Variants in CACNA2D1 observed in about 807,000 individuals in gnomAD.
CACNA2D1 encodes the protein calcium voltage-gated channel auxiliary subunit alpha2delta 1.
A neutral mutation model predicts 171.5 loss-of-function variants in CACNA2D1; 53 were observed. The observed-to-expected ratio is 0.31, with a 90% CI of 0.25 to 0.39. CACNA2D1 has a LOEUF of 0.39. Among genes scored for constraint, CACNA2D1 ranks in the 10% least tolerant of loss-of-function variants. The pLI, the probability that CACNA2D1 is intolerant of heterozygous loss-of-function variation, is 1.00. For missense variants in CACNA2D1, 903 were observed against 1,299.8 expected, an observed-to-expected ratio of 0.69 and a Z score of 4.69; for synonymous variants, 442 against 443.1, an observed-to-expected ratio of 1.00 and a Z score of 0.03.
intron 4 of CACNA2D1, among the ~76,000 whole-genome samples, chr7:82,152,722 C>T (rs1793986758): frequency 6.6e-6 from 1 of 151,914 alleles, no homozygotes; most frequent in African/African-American, 2.4e-5. Flanking sequence ...ATCAAAATTG[C>T]AAACAGCCCC....
At chr7:82,158,466 A>T (rs1242952430) in intron 4 of CACNA2D1, among the ~76,000 whole-genome samples, 1 of 52,306 alleles carries the variant, frequency 1.9e-5, no homozygotes, top group East Asian at 8.1e-4. Context: ...GGGGAAATGG[A>T]AACCAAGTTA....
chr7:82,183,164 A>C (rs1797327322), intron 3 of CACNA2D1, among the ~76,000 whole-genome samples: 1 of 152,036 alleles, frequency 6.6e-6, no homozygotes, highest in African/African-American at 2.4e-5. Flanking sequence ...TTTCTCATAT[A>C]TTTTTCAACA....
chr7:82,048,983 T>A (rs1804869605), intron 10 of CACNA2D1, among the ~76,000 whole-genome samples: 1 of 152,066 alleles, frequency 6.6e-6, no homozygotes, highest in Admixed American at 6.6e-5. Flanking sequence ...GTTTCCTTTT[T>A]ACATATACGA....
intron 3 of CACNA2D1, among the ~76,000 whole-genome samples, chr7:82,211,463 G>A (rs1408867682): frequency 6.6e-6 from 1 of 152,116 alleles, no homozygotes; most frequent in Non-Finnish European, 1.5e-5. Flanking sequence ...TGCAGCATTT[G>A]GTTTTCTGTT....
At chr7:82,035,189 TAA>T (rs1803162416) in intron 11 of CACNA2D1, among the ~76,000 whole-genome samples, 1 of 152,110 alleles carries the variant, frequency 6.6e-6, no homozygotes, top group Non-Finnish European at 1.5e-5. Context: ...ACACTCTATA[TAA>T]AGTTTTTTTG....
intron 1 of CACNA2D1, among the ~76,000 whole-genome samples, chr7:82,357,337 C>G (rs1481940105): frequency 6.6e-6 from 1 of 152,084 alleles, no homozygotes; most frequent in Non-Finnish European, 1.5e-5. Context: ...ACAAATTACA[C>G]TTTGTGTAAT....
intron 15 of CACNA2D1, chr7:82,009,244 TC>T (rs2130899449): frequency 6.6e-6 from 1 of 152,274 alleles, no homozygotes; most frequent in South Asian, 2.1e-4. Flanking sequence ...TCCTGAGGCC[TC>T]CCCAGCCACA....
At chr7:82,037,742 A>C (rs1803481517) in intron 11 of CACNA2D1, among the ~76,000 whole-genome samples, 1 of 152,192 alleles carries the variant, frequency 6.6e-6, no homozygotes, top group South Asian at 2.1e-4. Context: ...ACAGATAAAT[A>C]CTGTGGTGAT....
At chr7:82,373,904 C>T (rs1027563231) in intron 1 of CACNA2D1, among the ~76,000 whole-genome samples, 7 of 152,218 alleles carry the variant, frequency 4.6e-5, no homozygotes, top group South Asian at 2.1e-4. Flanking sequence ...GACAAGTGTA[C>T]GAAAAAAGTA....
intron 7 of CACNA2D1, among the ~76,000 whole-genome samples, chr7:82,084,295 AT>A (rs1810181474): frequency 6.6e-6 from 1 of 152,032 alleles, no homozygotes; most frequent in Non-Finnish European, 1.5e-5. Context: ...GAAAAACTCT[AT>A]TTTCTTTGTG....
chr7:81,985,196 CTTTTTTTTTTTT>C (rs774555240), intron 21 of CACNA2D1, among the ~76,000 whole-genome samples: 2 of 104,192 alleles, frequency 1.9e-5, no homozygotes, highest in African/African-American at 8.2e-5. Context: ...ATTATCATTA[CTTTTTTTTTTTT>C]TTTTTTTTTG....
At chr7:82,344,738 G>A (rs930725688) in intron 2 of CACNA2D1, among the ~76,000 whole-genome samples, 1 of 152,094 alleles carries the variant, frequency 6.6e-6, no homozygotes, top group South Asian at 2.1e-4. Context: ...GCAAATCCAG[G>A]AGTATAAGAT....
chr7:82,228,687 C>T (rs1202216986), intron 3 of CACNA2D1, among the ~76,000 whole-genome samples: 1 of 152,044 alleles, frequency 6.6e-6, no homozygotes, highest in Non-Finnish European at 1.5e-5. Flanking sequence ...GTGGTGAGAA[C>T]TTAATAAAAT....
chr7:82,430,351 G>C lies in CACNA2D1; in HGVS notation c.95+13014C>G, dbSNP rs1282995021. On this transcript the variant is annotated intron_variant, in intron 1 of 38. Coordinates refer to ENST00000356860, the MANE Select transcript of CACNA2D1 (RefSeq NM_000722.4). The stretch of plus-strand genomic sequence containing the variant: ...GAGAATTGCTTGAACCCAGGAGGCG[G>C]AGGTTGCAGTGAGCTAAGATCAGGC... Among the ~76,000 whole-genome samples the C allele has an allele frequency of 2.7e-5, 4 of 150,802 alleles. No individual in the cohort carries two copies. In the South Asian group the frequency reaches 8.4e-4, roughly 32 times the overall value.
chr7:82,242,658 G>T (rs185632440), intron 3 of CACNA2D1, among the ~76,000 whole-genome samples: 1 of 152,202 alleles, frequency 6.6e-6, no homozygotes. Flanking sequence ...ATCTTATTCA[G>T]AAAATCGAAT....
intron 6 of CACNA2D1, among the ~76,000 whole-genome samples, chr7:82,110,073 TC>T (rs1391213857): frequency 6.6e-6 from 1 of 152,218 alleles, no homozygotes; most frequent in Non-Finnish European, 1.5e-5. Context: ...TACCTCCTGT[TC>T]TTATACCTTT....
At chr7:82,292,146 ACTTC>A (rs1418548863) in intron 3 of CACNA2D1, among the ~76,000 whole-genome samples, 5 of 152,110 alleles carry the variant, frequency 3.3e-5, no homozygotes, top group Admixed American at 6.6e-5. Context: ...GTGCTGTGAC[ACTTC>A]CTTTATTTTA....
intron 1 of CACNA2D1, among the ~76,000 whole-genome samples, chr7:82,431,101 C>T (rs1829635239): frequency 6.6e-6 from 1 of 152,144 alleles, no homozygotes; most frequent in Non-Finnish European, 1.5e-5. Flanking sequence ...AGTTCACCCA[C>T]CCTATTCCAC....
chr7:82,318,387 C>A lies in CACNA2D1; in HGVS notation c.294+16748G>T, dbSNP rs1815367349. On this transcript the variant is annotated intron_variant, in intron 3 of 38. Transcript: ENST00000356860. ...ATATACTCACTTATGAGTATAAAAG[C>A]CCCAGCACACTATGTGGCTTGCAGA... Among the ~76,000 whole-genome samples the A allele has an allele frequency of 2.6e-5, 4 of 152,090 alleles. No individual in the cohort carries two copies. The South Asian group carries it at 8.3e-4, about 32-fold the overall frequency.
Sources: allele counts gnomAD v4.1 joint callset (sites outside exome capture counted in the v4.1 genomes callset), GRCh38; gene constraint gnomAD v4.1.1; transcripts MANE v1.5; gene names NCBI Gene and HGNC (gene_info 2026-07-23, HGNC 2026-07-21).